The following PCDHA8 variants were observed in gnomAD, a reference collection of about 807,000 sequenced individuals.
The protein encoded by PCDHA8 is protocadherin alpha-8.
PCDHA8 carries 53 observed loss-of-function variants against 61.8 expected under a neutral mutation model. The ratio of observed to expected loss-of-function variants is 0.86; its 90% CI spans 0.69 to 1.08. PCDHA8 has a LOEUF of 1.08. Ranked by LOEUF, PCDHA8 falls within the 50% of genes least tolerant of loss-of-function variation. PCDHA8 has a pLI of 0.00. For missense variants in PCDHA8, 1,293 were observed against 1,245.0 expected, an observed-to-expected ratio of 1.04 and a Z score of -0.58; for synonymous variants, 618 against 556.6, an observed-to-expected ratio of 1.11 and a Z score of -1.55.
At chr5:140,955,065 T>C (rs1258214145) in intron 1 of PCDHA8, among the ~76,000 whole-genome samples, 8 of 152,214 alleles carry the variant, frequency 5.3e-5, no homozygotes, top group Admixed American at 3.3e-4. Context: ...GTCAGGTTTG[T>C]TGAAGATCAG....
At chr5:140,948,273 T>A (rs1563231021) in intron 1 of PCDHA8, among the ~76,000 whole-genome samples, 1 of 151,602 alleles carries the variant, frequency 6.6e-6, no homozygotes, top group South Asian at 2.1e-4. Context: ...ATGTAGAATA[T>A]CTGTAAATAA....
At chr5:140,883,573 G>C in intron 1 of PCDHA8, 7 of 1,614,076 alleles carry the variant, frequency 4.3e-6, no homozygotes, top group Non-Finnish European at 5.9e-6. Flanking sequence ...CGCCTTCGCT[G>C]TGGGCCACGG....
chr5:140,871,171 G>GCTGC (rs782249857), intron 1 of PCDHA8: 2 of 1,613,534 alleles, frequency 1.2e-6, no homozygotes, highest in Non-Finnish European at 1.7e-6. Flanking sequence ...GAGCCCAGAG[G>GCTGC]CTGCGCTGGT....
At chr5:140,978,222 G>A (rs997273847) in intron 1 of PCDHA8, among the ~76,000 whole-genome samples, 7 of 152,298 alleles carry the variant, frequency 4.6e-5, no homozygotes, top group East Asian at 1.9e-4. Context: ...AATGTATCAG[G>A]TTTTTCTTGG....
intron 1 of PCDHA8, among the ~76,000 whole-genome samples, chr5:140,955,355 G>A (rs1406631698): frequency 1.3e-5 from 2 of 152,086 alleles, no homozygotes; most frequent in African/African-American, 4.8e-5. Flanking sequence ...GTTGTGAGAG[G>A]GACCCAGTGG....
At chr5:140,913,394 A>G (rs2076316460) in intron 1 of PCDHA8, among the ~76,000 whole-genome samples, 1 of 152,204 alleles carries the variant, frequency 6.6e-6, no homozygotes, top group Non-Finnish European at 1.5e-5. Flanking sequence ...CATAGCCACT[A>G]ATGATCCTTT....
At position 141,009,849 on chromosome 5, in the gene PCDHA8, C is replaced by T. The variant is rs782348993; in HGVS notation, c.2765C>T (p.Thr922Ile). 54 of 1,613,364 alleles carry T rather than the reference C, an allele frequency of 3.3e-5. No individual in the cohort carries two copies. The South Asian group carries it at 5.8e-4, about 17-fold the overall frequency. ...DFITFGKKEETKKKKKKKKGN... is the reference protein window; with the variant it reads ...DFITFGKKEEIKKKKKKKKGN... ...ATAACCTTCGGCAAAAAGGAGGAGA[C>T]CAAGAAAAAGAAGAAAAAGAAGAAG... Residue 922 changes from threonine to isoleucine, a missense_variant, in exon 4 of 4, where the codon ACC becomes ATC. Transcript: ENST00000531613.
At chr5:140,924,901 A>AT (rs1554202312) in intron 1 of PCDHA8, among the ~76,000 whole-genome samples, 3 of 80,456 alleles carry the variant, frequency 3.7e-5, no homozygotes, top group African/African-American at 8.6e-5. Context: ...TCTCAAAAAA[A>AT]AAAATAAAAT....
rs782251799 is a variant in PCDHA8 at position 140,876,987 on chromosome 5, G to T, written c.2394+33272G>T. On this transcript the variant is annotated intron_variant, in intron 1 of 3. Transcript: ENST00000531613. The stretch of plus-strand genomic sequence containing the variant: ...GGCGGGTGGGCGAGCACGCACTGTC[G>T]AGCTACGTGTCGGTGCACGCGGAGA... The T allele has an allele frequency of 9.9e-6, 16 of 1,612,540 alleles. 1 individual carries two copies. The South Asian group carries it at 1.4e-4, about 14-fold the overall frequency.
intron 1 of PCDHA8, among the ~76,000 whole-genome samples, chr5:140,933,589 G>T (rs1369666636): frequency 8.6e-5 from 13 of 152,012 alleles, no homozygotes; most frequent in Non-Finnish European, 2.9e-5. Context: ...GGGTTTTTAG[G>T]TTGATTTGTC....
At chr5:140,967,843 T>C (rs782701780) in intron 1 of PCDHA8, 3 of 1,614,102 alleles carry the variant, frequency 1.9e-6, no homozygotes, top group Admixed American at 3.3e-5. Flanking sequence ...TGGACGTGAA[T>C]GACAATGCCC....
intron 1 of PCDHA8, chr5:140,863,368 C>A (rs1562578744): frequency 8.4e-7 from 1 of 1,192,682 alleles, no homozygotes; most frequent in Non-Finnish European, 1.2e-6. Flanking sequence ...GTGCTTGGCG[C>A]AGCTCACCGA....
At position 140,966,655 on chromosome 5, in the gene PCDHA8, G is replaced by T. The variant is rs576875582; in HGVS notation, c.2395-12294G>T. The T allele has an allele frequency of 2.6e-5, 31 of 1,195,250 alleles. No homozygotes were observed. In the South Asian group the frequency reaches 4.0e-4, roughly 15 times the overall value. 74.0% of individuals were successfully genotyped at this position (1,195,250 alleles called of 1,614,324 possible). On this transcript the variant is annotated intron_variant, in intron 1 of 3. Coordinates refer to ENST00000531613, the MANE Select transcript of PCDHA8 (RefSeq NM_018911.3). ...AGGCGCTTTCTAGAGCGTGAGCGGT[G>T]GGGGAGCAGGCGCAGGGTGGCACGA...
intron 1 of PCDHA8, chr5:140,862,937 A>G: frequency 1.8e-6 from 1 of 544,138 alleles, no homozygotes; most frequent in Non-Finnish European, 3.6e-6. Flanking sequence ...CGGCGCTGTG[A>G]GTGAGCTGGT....
intron 3 of PCDHA8, among the ~76,000 whole-genome samples, chr5:140,993,092 G>A (rs1441562927): frequency 6.6e-6 from 1 of 152,222 alleles, no homozygotes; most frequent in East Asian, 1.9e-4. Flanking sequence ...GCAGGGCTAT[G>A]TTTATTCAGC....
At chr5:140,926,819 C>G in intron 1 of PCDHA8, 1 of 1,493,950 alleles carries the variant, frequency 6.7e-7, no homozygotes, top group Non-Finnish European at 8.9e-7. Context: ...CTCGTGCTCT[C>G]CAGGAGTCCG....
intron 1 of PCDHA8, chr5:140,851,440 C>T (rs1474204778): frequency 1.1e-6 from 1 of 926,576 alleles, no homozygotes; most frequent in South Asian, 4.9e-5. Flanking sequence ...AAAACAGTTG[C>T]TCCACTTTAG....
chr5:140,885,367 G>T (rs1476588272), intron 1 of PCDHA8, among the ~76,000 whole-genome samples: 2 of 152,244 alleles, frequency 1.3e-5, no homozygotes, highest in African/African-American at 4.8e-5. Flanking sequence ...GTGACTGAAA[G>T]TACCTTTTGG....
In PCDHA8 at chr5:140,848,671, T is replaced by C. The variant is rs2150416657; in HGVS notation, c.2394+4956T>C. The C allele has an allele frequency of 3.1e-6, 5 of 1,592,316 alleles. 1 individual carries two copies. The highest frequency in any genetic ancestry group is 2.2e-5 in the South Asian group (2 of 90,134). On this transcript the variant is annotated intron_variant, in intron 1 of 3. Transcript: ENST00000531613. ...GACCTGGGGCTGGAGCTGGCGGAGCTGGTGCCGCGCCTGTTCCAGTTGGAT... is the reference window on the plus strand; with the variant it reads ...GACCTGGGGCTGGAGCTGGCGGAGCCGGTGCCGCGCCTGTTCCAGTTGGAT...
Sources: allele counts gnomAD v4.1 joint callset (sites outside exome capture counted in the v4.1 genomes callset), GRCh38; gene constraint gnomAD v4.1.1; transcripts MANE v1.5; gene names NCBI Gene and HGNC (gene_info 2026-07-23, HGNC 2026-07-21).